SUGCT: variants seen among roughly 807,000 people sequenced by gnomAD.
SUGCT encodes the protein succinyl-CoA:glutarate-CoA transferase.
A neutral mutation model predicts 55.0 loss-of-function variants in SUGCT; 41 were observed. The observed-to-expected ratio is 0.74, with a 90% CI of 0.58 to 0.97. The LOEUF is 0.97. Among genes scored for constraint, SUGCT ranks in the 50% least tolerant of loss-of-function variants. The pLI, the probability that SUGCT is intolerant of heterozygous loss-of-function variation, is 0.00. For synonymous variants in SUGCT, 187 were observed against 200.4 expected, an observed-to-expected ratio of 0.93 and a Z score of 0.56; for missense variants, 568 against 547.8, an observed-to-expected ratio of 1.04 and a Z score of -0.37.
chr7:40,964,862 A>G, the SUGCT span: 32 of 152,288 alleles, frequency 2.1e-4, no homozygotes, highest in African/African-American at 7.2e-4. Flanking sequence ...AGGACAACAT[A>G]TCAGCCTTCA....
At chr7:41,014,496 C>T in the SUGCT span, among the ~76,000 whole-genome samples, 2 of 152,148 alleles carry the variant, frequency 1.3e-5, no homozygotes, top group African/African-American at 4.8e-5. Flanking sequence ...AATTTTCTTA[C>T]TGGAAAGAAC....
At chr7:40,663,321 G>GA (rs979430688) in intron 12 of SUGCT, among the ~76,000 whole-genome samples, 2 of 151,574 alleles carry the variant, frequency 1.3e-5, no homozygotes, top group African/African-American at 4.9e-5. Context: ...GAAAGTCTGG[G>GA]AAAAATAGTT....
chr7:40,712,167 C>CAATAATTTGAAT (rs1785760054), intron 12 of SUGCT, among the ~76,000 whole-genome samples: 1 of 152,180 alleles, frequency 6.6e-6, no homozygotes, highest in Admixed American at 6.5e-5. Context: ...ATGATAGATC[C>CAATAATTTGAAT]ATGTCTGAAT....
chr7:40,622,324 A>G (rs113124304), intron 12 of SUGCT, among the ~76,000 whole-genome samples: 1 of 152,052 alleles, frequency 6.6e-6, no homozygotes, highest in African/African-American at 2.4e-5. Context: ...GAACTTCTGA[A>G]ACTTGATGAT....
At chr7:40,215,861 CAAAAA>C (rs60149673) in intron 6 of SUGCT, among the ~76,000 whole-genome samples, 154 of 109,322 alleles carry the variant, frequency 1.4e-3, no homozygotes, top group African/African-American at 5.0e-3. Context: ...GACTCCGTCT[CAAAAA>C]AAAAAAAAAT....
chr7:40,984,222 T>C, the SUGCT span, among the ~76,000 whole-genome samples: 1 of 152,160 alleles, frequency 6.6e-6, no homozygotes, highest in Middle Eastern at 3.2e-3. Context: ...ATGACAAAAG[T>C]CCACTCCAAA....
chr7:40,569,468 C>T (rs754318215), intron 12 of SUGCT, among the ~76,000 whole-genome samples: 2 of 152,180 alleles, frequency 1.3e-5, no homozygotes, highest in Non-Finnish European at 2.9e-5. Flanking sequence ...TCTGATTCTG[C>T]TTCTCACATC....
At chr7:40,645,916 A>C (rs1800481842) in intron 12 of SUGCT, among the ~76,000 whole-genome samples, 1 of 152,176 alleles carries the variant, frequency 6.6e-6, no homozygotes, top group Non-Finnish European at 1.5e-5. Flanking sequence ...CCCATGTCTC[A>C]GTTCCAGACA....
chr7:40,312,381 A>T (rs1466383732), intron 8 of SUGCT, among the ~76,000 whole-genome samples: 1 of 152,038 alleles, frequency 6.6e-6, no homozygotes, highest in African/African-American at 2.4e-5. Flanking sequence ...ATCCATCTGG[A>T]TATTAAGGAG....
At chr7:41,026,801 A>G in the SUGCT span, among the ~76,000 whole-genome samples, 1 of 152,286 alleles carries the variant, frequency 6.6e-6, no homozygotes, top group African/African-American at 2.4e-5. Flanking sequence ...TGGGAGGCCG[A>G]GGCAGGTAGA....
At chr7:40,342,799 T>A (rs1201399500) in intron 9 of SUGCT, among the ~76,000 whole-genome samples, 2 of 152,000 alleles carry the variant, frequency 1.3e-5, no homozygotes, top group African/African-American at 4.8e-5. Context: ...CCTGCCCCCA[T>A]GCCTGGCTAA....
At chr7:40,152,256 T>C (rs1788613878) in intron 1 of SUGCT, among the ~76,000 whole-genome samples, 1 of 152,210 alleles carries the variant, frequency 6.6e-6, no homozygotes, top group Non-Finnish European at 1.5e-5. Flanking sequence ...GGACTTTTAT[T>C]GGCTTTGTTT....
At chr7:41,004,982 A>G in the SUGCT span, among the ~76,000 whole-genome samples, 3 of 152,290 alleles carry the variant, frequency 2.0e-5, no homozygotes, top group Middle Eastern at 3.4e-3. Context: ...CATATCTGCA[A>G]TGGAAAAAGT....
At chr7:40,482,945 C>T (rs1483594215) in intron 11 of SUGCT, among the ~76,000 whole-genome samples, 1 of 152,054 alleles carries the variant, frequency 6.6e-6, no homozygotes, top group Non-Finnish European at 1.5e-5. Flanking sequence ...TTTTGTGTGG[C>T]CTGCAAATTG....
chr7:40,769,093 A>G (rs1479759540), intron 13 of SUGCT, among the ~76,000 whole-genome samples: 2 of 147,174 alleles, frequency 1.4e-5, no homozygotes, highest in Non-Finnish European at 3.0e-5. Context: ...TTACATGGGG[A>G]GCAGTAAAAA....
intron 6 of SUGCT, among the ~76,000 whole-genome samples, chr7:40,219,275 A>T (rs1465442165): frequency 1.3e-5 from 2 of 152,178 alleles, no homozygotes; most frequent in African/African-American, 2.4e-5. Context: ...AAGAACTGTA[A>T]CACTCACCGC....
the SUGCT span, among the ~76,000 whole-genome samples, chr7:40,887,567 T>C: frequency 3.9e-5 from 6 of 152,170 alleles, no homozygotes; most frequent in Admixed American, 1.3e-4. Context: ...ACAGTGGTAG[T>C]ATTGACTGAG....
intron 7 of SUGCT, among the ~76,000 whole-genome samples, chr7:40,247,224 AG>A (rs1487352342): frequency 6.6e-6 from 1 of 152,038 alleles, no homozygotes; most frequent in African/African-American, 2.4e-5. Flanking sequence ...AGTGTTTGAG[AG>A]TTTTAATTAT....
intron 11 of SUGCT, among the ~76,000 whole-genome samples, chr7:40,487,887 TG>T (rs1290395480): frequency 6.6e-6 from 1 of 152,138 alleles, no homozygotes. Flanking sequence ...TTTCAGTCTG[TG>T]GGTATCCTTA....
Sources: allele counts gnomAD v4.1 joint callset (sites outside exome capture counted in the v4.1 genomes callset), GRCh38; gene constraint gnomAD v4.1.1; transcripts MANE v1.5; gene names NCBI Gene and HGNC (gene_info 2026-07-23, HGNC 2026-07-21).